Variants in KIAA1217 observed in about 807,000 individuals in gnomAD.
The protein encoded by KIAA1217 is KIAA1217.
KIAA1217 carries 88 observed loss-of-function variants against 163.9 expected under a neutral mutation model. The ratio of observed to expected loss-of-function variants is 0.54; its 90% CI spans 0.45 to 0.64. The LOEUF is 0.64. Ranked by LOEUF, KIAA1217 falls within the 30% of genes least tolerant of loss-of-function variation. The pLI, the probability that KIAA1217 is intolerant of heterozygous loss-of-function variation, is 0.00. For synonymous variants in KIAA1217, 903 were observed against 923.1 expected, an observed-to-expected ratio of 0.98 and a Z score of 0.39; for missense variants, 2,372 against 2,475.0, an observed-to-expected ratio of 0.96 and a Z score of 0.88.
At chr10:24,211,532 G>GTTGTATTGTATTGTATTGTA (rs371671093) in intron 1 of KIAA1217, among the ~76,000 whole-genome samples, 46 of 79,058 alleles carry the variant, frequency 5.8e-4, no homozygotes, top group Middle Eastern at 7.1e-3. Context: ...ACCATGCATG[G>GTTGTATTGTATTGTATTGTA]TTGTATTGTA....
intron 2 of KIAA1217, among the ~76,000 whole-genome samples, chr10:24,111,690 G>GA (rs146780930): frequency 7.9e-5 from 12 of 151,032 alleles, no homozygotes; most frequent in East Asian, 1.9e-4. Context: ...TCTGCAGGCA[G>GA]AAAAAAAAAT....
Position 24,542,943 on chromosome 10 carries a change from A to G in KIAA1217, c.3673A>G (p.Ser1225Gly), listed in dbSNP as rs2075299140. 5.0e-6 allele frequency: 8 copies of G among 1,613,682 alleles called. No homozygotes were observed. In the East Asian group the frequency reaches 1.3e-4, roughly 27 times the overall value. Residue 1225 changes from serine to glycine, a missense_variant, in exon 19 of 21, where the codon AGT (serine) becomes GGT (glycine). By Grantham distance (56) the Ser-to-Gly change is moderately conservative (BLOSUM62 0). This residue lies in a region of KIAA1217 where 251 missense variants were observed against 327.3 expected (regional missense o/e 0.77). Coordinates refer to ENST00000376454, the MANE Select transcript of KIAA1217 (RefSeq NM_019590.5). ...PPKWERGMEN[S>G]ISDASRTSEY... ...TAAGTGGGAAAGAGGAATGGAGAAT[A>G]GTATTTCTGATGCATCAAGAACATC...
intron 5 of KIAA1217, among the ~76,000 whole-genome samples, chr10:24,452,966 C>G (rs961265932): frequency 6.6e-6 from 1 of 152,148 alleles, no homozygotes; most frequent in East Asian, 1.9e-4. Flanking sequence ...AGAAAGAGGC[C>G]TGACTTATTT....
At chr10:24,147,890 G>GAACT (rs2064411970) in intron 2 of KIAA1217, among the ~76,000 whole-genome samples, 1 of 107,086 alleles carries the variant, frequency 9.3e-6, no homozygotes, top group Non-Finnish European at 2.0e-5. Context: ...AAAGAAAAAT[G>GAACT]AACTTTCTAC....
intron 2 of KIAA1217, among the ~76,000 whole-genome samples, chr10:24,098,724 C>CGTGTGTGTGTGTGTGTGTGTGTGT (rs10524680): frequency 2.2e-5 from 3 of 139,368 alleles, no homozygotes; most frequent in East Asian, 2.1e-4. Context: ...TGAAGGGGAG[C>CGTGTGTGTGTGTGTGTGTGTGTGT]GTGTGTGTGT....
At chr10:23,819,630 G>A (rs1837527494) in intron 1 of KIAA1217, among the ~76,000 whole-genome samples, 1 of 152,142 alleles carries the variant, frequency 6.6e-6, no homozygotes, top group Non-Finnish European at 1.5e-5. Context: ...GCTCCTGTAG[G>A]AAAATCATCA....
At chr10:24,266,864 G>T (rs1366153616) in intron 2 of KIAA1217, among the ~76,000 whole-genome samples, 1 of 152,194 alleles carries the variant, frequency 6.6e-6, no homozygotes, top group African/African-American at 2.4e-5. Flanking sequence ...TTTGTCCTTT[G>T]CTTTTCGCAA....
chr10:24,062,986 TG>T (rs1425337459), intron 2 of KIAA1217, among the ~76,000 whole-genome samples: 2 of 152,066 alleles, frequency 1.3e-5, no homozygotes, highest in African/African-American at 4.8e-5. Context: ...TCGATGGGGT[TG>T]TTTTTTTTTT....
At chr10:23,794,268 T>C (rs1428953314) in intron 1 of KIAA1217, among the ~76,000 whole-genome samples, 1 of 152,210 alleles carries the variant, frequency 6.6e-6, no homozygotes, top group Non-Finnish European at 1.5e-5. Flanking sequence ...AGTCTTTACA[T>C]GTTTTGGGGA....
At chr10:24,444,302 A>G (rs1307006227) in intron 5 of KIAA1217, among the ~76,000 whole-genome samples, 2 of 152,184 alleles carry the variant, frequency 1.3e-5, no homozygotes, top group Admixed American at 1.3e-4. Flanking sequence ...GTGAGCCACC[A>G]TGCCCAGCCC....
chr10:24,168,758 G>A (rs1161534698), intron 2 of KIAA1217, among the ~76,000 whole-genome samples: 2 of 152,326 alleles, frequency 1.3e-5, no homozygotes, highest in East Asian at 3.9e-4. Context: ...GACATTATCA[G>A]TGTTCACACA....
intron 2 of KIAA1217, among the ~76,000 whole-genome samples, chr10:24,148,247 T>G (rs1367033921): frequency 6.6e-6 from 1 of 152,092 alleles, no homozygotes; most frequent in Non-Finnish European, 1.5e-5. Context: ...TCGAACCGAG[T>G]TTTATAGAAC....
chr10:24,467,556 G>A (rs1349440249), intron 5 of KIAA1217, among the ~76,000 whole-genome samples: 1 of 152,222 alleles, frequency 6.6e-6, no homozygotes, highest in Admixed American at 6.5e-5. Context: ...TAAGGGGTTA[G>A]AAGAATCTTT....
At chr10:23,896,299 G>T (rs920453270) in intron 1 of KIAA1217, among the ~76,000 whole-genome samples, 39 of 151,868 alleles carry the variant, frequency 2.6e-4, no homozygotes, top group African/African-American at 8.5e-4. Context: ...TTTAGGTTTT[G>T]TTTCAGCAAG....
At chr10:24,494,374 C>G in intron 6 of KIAA1217, 126 bp from the exon 7 acceptor site, 1 of 710,826 alleles carries the variant, frequency 1.4e-6, no homozygotes, top group Non-Finnish European at 2.4e-6. Flanking sequence ...TGTTCCTGAG[C>G]CAGGTTGGGT....
intron 1 of KIAA1217, among the ~76,000 whole-genome samples, chr10:23,911,949 C>G (rs951654362): frequency 2.0e-5 from 3 of 152,036 alleles, no homozygotes; most frequent in African/African-American, 7.2e-5. Flanking sequence ...CAAATCATAC[C>G]CTCCACTACA....
chr10:24,164,502 T>C (rs968251891), intron 2 of KIAA1217, among the ~76,000 whole-genome samples: 7 of 152,200 alleles, frequency 4.6e-5, no homozygotes, highest in Non-Finnish European at 1.0e-4. Context: ...TACTGCCACA[T>C]CTCCAGTCTG....
At chr10:24,411,814 A>T (rs189312515) in intron 3 of KIAA1217, among the ~76,000 whole-genome samples, 38 of 152,090 alleles carry the variant, frequency 2.5e-4, no homozygotes, top group Admixed American at 2.5e-3. Flanking sequence ...GAACACTAGT[A>T]TGTTTCCTTG....
chr10:24,375,054 G>A (rs917599072), intron 2 of KIAA1217, among the ~76,000 whole-genome samples: 2 of 152,170 alleles, frequency 1.3e-5, no homozygotes, highest in Non-Finnish European at 1.5e-5. Flanking sequence ...CCAAAGTTCT[G>A]GGATTACAGG....
Sources: allele counts gnomAD v4.1 joint callset (sites outside exome capture counted in the v4.1 genomes callset), GRCh38; gene constraint gnomAD v4.1.1; regional missense constraint gnomAD v4.1.1; transcripts MANE v1.5; gene names NCBI Gene and HGNC (gene_info 2026-07-23, HGNC 2026-07-21).